ADAMTS5: variants seen among roughly 807,000 people sequenced by gnomAD.
The protein encoded by ADAMTS5 is ADAM metallopeptidase with thrombospondin type 1 motif 5, also known as A disintegrin and metalloproteinase with thrombospondin motifs 5.
In ADAMTS5, 54 loss-of-function variants were observed where a neutral mutation model predicts 81.4. The ratio of observed to expected loss-of-function variants is 0.66; its 90% CI spans 0.53 to 0.83. The LOEUF (loss-of-function observed/expected upper bound fraction) is 0.83, where lower values mean the gene tolerates loss of function less well. Ranked by LOEUF, ADAMTS5 falls within the 40% of genes least tolerant of loss-of-function variation. The probability of loss-of-function intolerance (pLI) is 0.00; values close to 1 mark genes in which losing one functional copy is unlikely to be tolerated. For synonymous variants in ADAMTS5, 532 were observed against 508.8 expected (o/e 1.05, Z -0.61); for missense variants, 1,194 against 1,229.9 (o/e 0.97, Z 0.44).
rs373445194 is a variant in ADAMTS5 at position 26,924,368 on chromosome 21, C to G, written c.2478G>C (p.Thr826=). 1 of 1,614,018 alleles carries G rather than the reference C, an allele frequency of 6.2e-7. No individual in the cohort carries two copies. Among genetic ancestry groups the G allele is most frequent in the Non-Finnish European group, 8.5e-7 (1 of 1,179,988 alleles). Residue 826 remains threonine, a synonymous_variant, in exon 8 of 8, where the codon ACG becomes ACC. Coordinates refer to ENST00000284987, the MANE Select transcript of ADAMTS5 (RefSeq NM_007038.5). Reference sequence around the variant, plus strand: ...GAATCTGCACTATTAGAATTTCCTTCGTGGCAGAGTAGCCCATGCCATGCA... The same window carrying G: ...GAATCTGCACTATTAGAATTTCCTTGGTGGCAGAGTAGCCCATGCCATGCA... ...DFLHGMGYSA[T]KEILIVQILA...
At chr21:26,938,473 A>G (rs185950489) in intron 3 of ADAMTS5, among the ~76,000 whole-genome samples, 312 of 152,304 alleles carry the variant, frequency 2.0e-3, no homozygotes, top group African/African-American at 6.5e-3. Flanking sequence ...CTAGTTTCAT[A>G]TGTCTGACTT....
intron 2 of ADAMTS5, among the ~76,000 whole-genome samples, chr21:26,954,252 A>G (rs567548233): frequency 6.6e-6 from 1 of 151,942 alleles, no homozygotes; most frequent in Admixed American, 6.6e-5. Context: ...TTTCCTTGCT[A>G]TTAAGAACAA....
chr21:26,938,487 G>A (rs1987056537), intron 3 of ADAMTS5, among the ~76,000 whole-genome samples: 1 of 152,132 alleles, frequency 6.6e-6, no homozygotes, highest in African/African-American at 2.4e-5. Context: ...CTGACTTATA[G>A]CACTATTTGT....
chr21:26,966,256 G>T lies in ADAMTS5; in HGVS notation c.136C>A (p.Arg46=). The part of the protein sequence containing the change: ...TAAAAAQPRR[R]QGEEVQERAE... ...CGCTCCTGCACCTCCTCCCCCTGCC[G>T]CCGGCGGGGCTGGGCGGCTGCTGCA... is the stretch of plus-strand genomic sequence containing the variant. Residue 46 remains arginine (R), a synonymous_variant, in exon 1 of 8, where the codon CGG becomes AGG. Coordinates refer to ENST00000284987, the MANE Select transcript of ADAMTS5 (RefSeq NM_007038.5). 6.3e-7 allele frequency: 1 copy of T among 1,591,190 alleles called. No individual in the cohort carries two copies. The highest frequency in any genetic ancestry group is 8.5e-7 in the Non-Finnish European group (1 of 1,171,582).
In ADAMTS5 at chr21:26,943,473, A is replaced by T. The variant is rs1987153596; in HGVS notation, c.1312T>A (p.Leu438Ile). 6.2e-7 allele frequency: 1 copy of T among 1,613,812 alleles called. No individual in the cohort carries two copies. The highest frequency in any genetic ancestry group is 2.2e-5 in the East Asian group (1 of 44,866). Reference protein sequence around the residue: ...ETFGSTEDKRLMSSILTSIDA... With the variant: ...ETFGSTEDKRIMSSILTSIDA... ...ATGCTGGTAAGGATGGAAGACATTA[A>T]GCGCTTATCTTCTGTGGAACCAAAG... is the stretch of plus-strand genomic sequence containing the variant. Residue 438 changes from leucine to isoleucine, a missense_variant, in exon 3 of 8, where the codon TTA becomes ATA. By Grantham distance (5) the Leu-to-Ile change is conservative (BLOSUM62 2). Transcript: ENST00000284987.
At chr21:26,962,261 A>G (rs1987543726) in intron 1 of ADAMTS5, among the ~76,000 whole-genome samples, 1 of 152,226 alleles carries the variant, frequency 6.6e-6, no homozygotes, top group Non-Finnish European at 1.5e-5. Context: ...ATCTTGAAAT[A>G]AAAGAGGACG....
Position 26,966,474 on chromosome 21 carries a change from A to T in ADAMTS5, c.-83T>A. The T allele has an allele frequency of 7.7e-7, 1 of 1,297,094 alleles. No individual in the cohort carries two copies. Among genetic ancestry groups the T allele is most frequent in the Non-Finnish European group, 1.0e-6 (1 of 1,004,496 alleles). 80.3% of individuals were successfully genotyped at this position (1,297,094 alleles called of 1,614,324 possible). A position where few individuals can be genotyped will look rare whatever the true frequency, so the allele number is the denominator to read the frequency against. On this transcript the variant is annotated 5_prime_UTR_variant, in exon 1 of 8. Coordinates refer to ENST00000284987, the MANE Select transcript of ADAMTS5 (RefSeq NM_007038.5). ...TGCTATGAAGTTAACGGGGCGGGGG[A>T]TGGGGACACACACACACTTGCTTGC...
rs1986687902 is a variant in ADAMTS5, at chr21:26,921,242, G to A, written c.*2811C>T. The A allele has an allele frequency of 6.6e-6, 1 of 151,982 alleles. No individual in the cohort carries two copies. 9.4% of individuals were successfully genotyped at this position (151,982 alleles called of 1,614,324 possible). A position where few individuals can be genotyped will look rare whatever the true frequency, so the allele number is the denominator to read the frequency against. On this transcript the variant is annotated 3_prime_UTR_variant, in exon 8 of 8. Coordinates refer to ENST00000284987, the MANE Select transcript of ADAMTS5 (RefSeq NM_007038.5). ...AAAACTGTTTCCACAGGAAGGCAAA[G>A]GAACATAAATTTATTGAATAAATTA... is the stretch of plus-strand genomic sequence containing the variant.
At chr21:26,929,849 T>A (rs763460423) in intron 7 of ADAMTS5, 37 bp downstream of exon 7, 1 of 1,593,456 alleles carries the variant, frequency 6.3e-7, no homozygotes. Context: ...TAAAGCTTTG[T>A]TCAATTCACA....
chr21:26,929,357 G>A (rs1434682648), intron 7 of ADAMTS5, among the ~76,000 whole-genome samples: 1 of 152,178 alleles, frequency 6.6e-6, no homozygotes, highest in Non-Finnish European at 1.5e-5. Context: ...AGGACCATAA[G>A]AGGAAGCAGG....
chr21:26,957,309 T>C (rs531655918), intron 1 of ADAMTS5, among the ~76,000 whole-genome samples: 2 of 152,222 alleles, frequency 1.3e-5, no homozygotes, highest in South Asian at 4.2e-4. Flanking sequence ...TGAGCAGGAG[T>C]AAAGATATTA....
intron 2 of ADAMTS5, 21 bp downstream of exon 2, chr21:26,954,718 A>T: frequency 6.2e-7 from 1 of 1,609,920 alleles, no homozygotes; most frequent in Non-Finnish European, 8.5e-7. Flanking sequence ...TTGGTGAGGG[A>T]AAAGAAAAGG....
Position 26,954,860 on chromosome 21 carries a change from C to T in ADAMTS5, c.1116G>A (p.Gly372=), listed in dbSNP as rs777892382. ...AILFTREDLC[G]HHSCDTLGMA... is the part of the protein sequence containing the mutation. ...TTCCCAGGGTGTCACATGAATGATG[C>T]CCACATAAATCCTGCCCAGGAGAAA... The change falls in exon 2 of 8, where the codon GGG becomes GGA. Residue 372 remains glycine, a synonymous_variant. Transcript: ENST00000284987. 2.5e-5 allele frequency: 40 copies of T among 1,613,812 alleles called. No individual in the cohort carries two copies. The African/African-American group carries it at 4.9e-4, about 20-fold the overall frequency.
Position 26,965,612 on chromosome 21 carries a change from G to GCGC in ADAMTS5, c.777_779dup (p.Arg261dup), listed in dbSNP as rs758003412. 1.1e-5 allele frequency: 18 copies of GCGC among 1,598,090 alleles called. No individual in the cohort carries two copies. The highest frequency in any genetic ancestry group is 3.3e-5 in the South Asian group (3 of 90,068). On this transcript the variant is annotated inframe_insertion, in exon 1 of 8. Transcript: ENST00000284987. ...CCTGGCGGGCCCGGGAGATGGAGCG[G>GCGC]CGCCGCCGCCGCCACCACGTCTGCG...
chr21:26,944,575 TAAAAA>T (rs1197488587), intron 2 of ADAMTS5, among the ~76,000 whole-genome samples: 5 of 152,176 alleles, frequency 3.3e-5, no homozygotes, highest in Non-Finnish European at 7.3e-5. Context: ...TTACAAACTC[TAAAAA>T]GTAGACAGCA....
chr21:26,964,228 C>T (rs377068752), intron 1 of ADAMTS5, among the ~76,000 whole-genome samples: 3 of 152,186 alleles, frequency 2.0e-5, no homozygotes, highest in East Asian at 3.8e-4. Flanking sequence ...CTTAAAACTG[C>T]CAATCAGAGT....
At chr21:26,948,709 A>G (rs571086798) in intron 2 of ADAMTS5, among the ~76,000 whole-genome samples, 29 of 152,328 alleles carry the variant, frequency 1.9e-4, no homozygotes, top group African/African-American at 7.0e-4. Flanking sequence ...TGTAATTTGG[A>G]AGGAAGAAAC....
At chr21:26,953,371 T>G (rs1218783336) in intron 2 of ADAMTS5, among the ~76,000 whole-genome samples, 1 of 152,196 alleles carries the variant, frequency 6.6e-6, no homozygotes, top group Non-Finnish European at 1.5e-5. Context: ...ATTTGTGTTT[T>G]TCTGCTTAGG....
chr21:26,928,584 G>A (rs1457539525), intron 7 of ADAMTS5, among the ~76,000 whole-genome samples: 1 of 151,878 alleles, frequency 6.6e-6, no homozygotes, highest in Admixed American at 6.6e-5. Flanking sequence ...TTTGATTCCT[G>A]AATTCCCTCT....
Sources: allele counts gnomAD v4.1 joint callset (sites outside exome capture counted in the v4.1 genomes callset), GRCh38; gene constraint gnomAD v4.1.1; transcripts MANE v1.5; gene names NCBI Gene and HGNC (gene_info 2026-07-23, HGNC 2026-07-21).